The following ROBO2 variants were observed in gnomAD, a reference collection of about 807,000 sequenced individuals.
The protein encoded by ROBO2 is roundabout homolog 2.
Under a neutral mutation model 160.8 loss-of-function variants are expected in ROBO2, and 53 were observed. The observed-to-expected ratio is 0.33, with a 90% CI of 0.26 to 0.41. The LOEUF (loss-of-function observed/expected upper bound fraction) is 0.41, where lower values mean the gene tolerates loss of function less well. Ranked by LOEUF, ROBO2 falls within the 10% of genes least tolerant of loss-of-function variation. ROBO2 has a pLI of 1.00. For missense variants in ROBO2, 1,577 were observed against 1,722.4 expected, an observed-to-expected ratio of 0.92 and a Z score of 1.49; for synonymous variants, 664 against 611.7, an observed-to-expected ratio of 1.09 and a Z score of -1.26.
intron 1 of ROBO2, among the ~76,000 whole-genome samples, chr3:75,925,865 A>G (rs894268887): frequency 1.3e-5 from 2 of 152,230 alleles, no homozygotes; most frequent in Admixed American, 6.5e-5. Context: ...TTCCAGAGCC[A>G]TAGGATTAAA....
chr3:76,182,794 G>A (rs888846670), intron 2 of ROBO2, among the ~76,000 whole-genome samples: 6 of 152,118 alleles, frequency 3.9e-5, no homozygotes, highest in Non-Finnish European at 8.8e-5. Flanking sequence ...ATCTCCCAAA[G>A]TGGTGTTAGT....
intron 13 of ROBO2, among the ~76,000 whole-genome samples, chr3:77,573,407 C>G (rs189944575): frequency 3.9e-5 from 6 of 151,930 alleles, no homozygotes; most frequent in Admixed American, 2.6e-4. Flanking sequence ...AACAAAAACA[C>G]TTTTTAAAAG....
rs555442896 is a variant in ROBO2, at chr3:76,996,091, C to T, written c.110-101923C>T. Among the ~76,000 whole-genome samples, 933 of 152,248 alleles carry T rather than the reference C, an allele frequency of 6.1e-3. 15 individuals are homozygous for T. The highest frequency in any genetic ancestry group is 0.021 in the African/African-American group (858 of 41,544). On this transcript the variant is annotated intron_variant, in intron 2 of 26. Coordinates refer to the ROBO2 transcript ENST00000487694. ...AGGGATTTTATGGTTTTAGGTCTAA[C>T]ATTTAAGTCTTTAATCCATCTTGAA... is the stretch of plus-strand genomic sequence containing the variant.
rs542323940 is a variant in ROBO2, at chr3:76,033,126, T to A, written c.109+95524T>A. On this transcript the variant is annotated intron_variant, in intron 2 of 26. Coordinates refer to the ROBO2 transcript ENST00000487694. ...CAAAAAAAAAAAATGGGGAGAAATG[T>A]TATTGTTGTTTTTTCTTTGTTTCCT... is the stretch of plus-strand genomic sequence containing the variant. Among the ~76,000 whole-genome samples the A allele has an allele frequency of 7.4e-4, 112 of 151,870 alleles. No individual in the cohort carries two copies. In the Middle Eastern group the frequency reaches 0.017, roughly 23 times the overall value.
chr3:76,334,276 T>A (rs2073714529), intron 2 of ROBO2, among the ~76,000 whole-genome samples: 1 of 152,188 alleles, frequency 6.6e-6, no homozygotes, highest in Non-Finnish European at 1.5e-5. Flanking sequence ...CACTAGTATT[T>A]ATGTGTTAGA....
intron 2 of ROBO2, among the ~76,000 whole-genome samples, chr3:76,582,369 C>T (rs1447094112): frequency 2.0e-5 from 3 of 152,058 alleles, no homozygotes; most frequent in Non-Finnish European, 4.4e-5. Context: ...GAAAACTCTA[C>T]CAGGTTACAC....
chr3:77,628,455 G>C (rs867982837), intron 23 of ROBO2, among the ~76,000 whole-genome samples: 68 of 144,112 alleles, frequency 4.7e-4, no homozygotes, highest in African/African-American at 1.3e-3. Context: ...TGTGGGGGGG[G>C]GGTAATTGTT....
intron 2 of ROBO2, among the ~76,000 whole-genome samples, chr3:76,166,009 C>T (rs907440161): frequency 4.6e-5 from 7 of 151,968 alleles, no homozygotes; most frequent in African/African-American, 1.7e-4. Flanking sequence ...TCACTGATTG[C>T]AGATCACCAC....
chr3:76,635,441 A>G (rs936039800), intron 2 of ROBO2, among the ~76,000 whole-genome samples: 4 of 152,214 alleles, frequency 2.6e-5, no homozygotes, highest in African/African-American at 9.6e-5. Flanking sequence ...TGTAAAATGG[A>G]GTAAATAATG....
chr3:77,396,557 A>G (rs1322855683), intron 2 of ROBO2, among the ~76,000 whole-genome samples: 1 of 152,100 alleles, frequency 6.6e-6, no homozygotes, highest in Non-Finnish European at 1.5e-5. Context: ...TACTTAATTA[A>G]ACACTTGCAA....
intron 2 of ROBO2, among the ~76,000 whole-genome samples, chr3:76,646,688 G>A (rs1048656351): frequency 6.6e-6 from 1 of 152,124 alleles, no homozygotes; most frequent in Admixed American, 6.5e-5. Flanking sequence ...GAGTTAAGTT[G>A]CTTTGCTGAC....
At chr3:76,983,924 T>A (rs1245960657) in intron 2 of ROBO2, among the ~76,000 whole-genome samples, 1 of 152,192 alleles carries the variant, frequency 6.6e-6, no homozygotes, top group Non-Finnish European at 1.5e-5. Flanking sequence ...TGACTCGCAG[T>A]TCTGCGTGGC....
intron 2 of ROBO2, among the ~76,000 whole-genome samples, chr3:77,345,035 TGTGGG>T (rs1311594043): frequency 1.3e-5 from 2 of 152,096 alleles, no homozygotes; most frequent in Non-Finnish European, 2.9e-5. Context: ...TTACAGTTTA[TGTGGG>T]TCAATAATTT....
intron 2 of ROBO2, among the ~76,000 whole-genome samples, chr3:76,260,355 C>G (rs1310821847): frequency 6.6e-6 from 1 of 151,964 alleles, no homozygotes; most frequent in East Asian, 1.9e-4. Context: ...ATAATAAAAA[C>G]TCATATTCTA....
chr3:77,216,297 C>T (rs1214770361), intron 2 of ROBO2, among the ~76,000 whole-genome samples: 2 of 152,168 alleles, frequency 1.3e-5, no homozygotes, highest in African/African-American at 4.8e-5. Flanking sequence ...CCCCCAGCCT[C>T]ACTGCCGCCT....
chr3:77,042,880 G>A (rs1001423479), intron 1 of ROBO2, among the ~76,000 whole-genome samples: 2 of 152,182 alleles, frequency 1.3e-5, no homozygotes, highest in African/African-American at 4.8e-5. Context: ...TCATAGTAAT[G>A]TAGTGAAAAA....
intron 2 of ROBO2, among the ~76,000 whole-genome samples, chr3:76,416,468 C>T (rs906289377): frequency 4.0e-5 from 6 of 151,888 alleles, no homozygotes; most frequent in South Asian, 2.1e-4. Flanking sequence ...AAAATAAAAC[C>T]GTACATAATT....
At chr3:77,507,261 C>G (rs2088679499) in intron 5 of ROBO2, among the ~76,000 whole-genome samples, 1 of 152,118 alleles carries the variant, frequency 6.6e-6, no homozygotes, top group African/African-American at 2.4e-5. Flanking sequence ...AGAAGAAAGC[C>G]TTTTGAATCT....
At chr3:77,434,954 A>G (rs2079135450) in intron 2 of ROBO2, among the ~76,000 whole-genome samples, 2 of 152,108 alleles carry the variant, frequency 1.3e-5, no homozygotes, top group South Asian at 4.1e-4. Flanking sequence ...TAATATGCTT[A>G]GAAGATTTAA....
Sources: allele counts gnomAD v4.1 joint callset (sites outside exome capture counted in the v4.1 genomes callset), GRCh38; gene constraint gnomAD v4.1.1; transcripts MANE v1.5; gene names NCBI Gene and HGNC (gene_info 2026-07-23, HGNC 2026-07-21).